Variants in GABRG3 observed in about 807,000 individuals in gnomAD.
GABRG3 encodes gamma-aminobutyric acid receptor subunit gamma-3.
In GABRG3, 25 loss-of-function variants were observed where a neutral mutation model predicts 48.8. The ratio of observed to expected loss-of-function variants is 0.51; its 90% CI spans 0.37 to 0.72. The LOEUF (loss-of-function observed/expected upper bound fraction) is 0.72. GABRG3 is among the 30% of genes least tolerant of loss of function. The probability of loss-of-function intolerance (pLI) is 0.00; values close to 1 mark genes in which losing one functional copy is unlikely to be tolerated. For synonymous variants in GABRG3, 227 were observed against 217.6 expected (o/e 1.04, Z -0.38); for missense variants, 394 against 577.9 (o/e 0.68, Z 3.26).
chr15:27,186,470 CAT>C lies in GABRG3; in HGVS notation c.271-140338_271-140337del, dbSNP rs1479934558. Among the ~76,000 whole-genome samples the C allele has an allele frequency of 3.3e-5, 5 of 152,132 alleles. No individual in the cohort carries two copies. The East Asian group carries it at 5.8e-4, about 18-fold the overall frequency. The stretch of plus-strand genomic sequence containing the variant: ...CTATCATGAATAGTGCTGTGATAAA[CAT>C]GTGGGTGCATCGTATGTCTTTTTGG... On this transcript the variant is annotated intron_variant, in intron 3 of 9. Transcript: ENST00000615808.
chr15:27,349,523 A>C (rs1894485698), intron 5 of GABRG3, among the ~76,000 whole-genome samples: 1 of 152,200 alleles, frequency 6.6e-6, no homozygotes, highest in African/African-American at 2.4e-5. Flanking sequence ...CAAAAGTCAC[A>C]AAGGTTGGTG....
chr15:27,201,378 GAA>G (rs1386354225), intron 3 of GABRG3, among the ~76,000 whole-genome samples: 2 of 151,352 alleles, frequency 1.3e-5, no homozygotes, highest in African/African-American at 4.9e-5. Flanking sequence ...GTGTGAGAGA[GAA>G]AGAGAGAGAG....
intron 5 of GABRG3, among the ~76,000 whole-genome samples, chr15:27,474,114 C>A (rs553667788): frequency 6.6e-6 from 1 of 152,224 alleles, no homozygotes; most frequent in East Asian, 1.9e-4. Flanking sequence ...TGAGGCTAGA[C>A]AGACAGACTG....
rs371221169 is a variant in GABRG3 at position 27,169,052 on chromosome 15, C to T, written c.270+142231C>T. 2.0e-5 allele frequency among the ~76,000 whole-genome samples: 3 copies of T among 152,236 alleles called. No homozygotes were observed. The East Asian group carries it at 5.8e-4, about 29-fold the overall frequency. On this transcript the variant is annotated intron_variant, in intron 3 of 9. Coordinates refer to ENST00000615808, the MANE Select transcript of GABRG3 (RefSeq NM_033223.5). ...TAGGCATGTGGGCCAAGTACTGTGC[C>T]AAGGACTGGGAGTGCAATGGTGAGC...
intron 3 of GABRG3, among the ~76,000 whole-genome samples, chr15:27,029,455 ACG>A (rs1896042619): frequency 1.4e-5 from 2 of 144,660 alleles, no homozygotes; most frequent in African/African-American, 5.1e-5. Context: ...ACACACACAC[ACG>A]CATGCACACA....
chr15:26,976,029 C>T lies in GABRG3; in HGVS notation c.54-973C>T, dbSNP rs138863771. Among the ~76,000 whole-genome samples the T allele has an allele frequency of 5.5e-3, 835 of 152,086 alleles. 10 individuals carry two copies. The highest frequency in any genetic ancestry group is 0.018 in the African/African-American group (731 of 41,482). ...AGCCCAAATAACTATGGTGTTGAGA[C>T]GGCCTCACTCATTGAGAAAACCAGC... On this transcript the variant is annotated intron_variant, in intron 1 of 9. Coordinates refer to ENST00000615808, the MANE Select transcript of GABRG3 (RefSeq NM_033223.5). This position sits in a 1 kb window ranked among gnomAD's most constrained non-coding sequence, Gnocchi z 7.8.
chr15:27,139,794 G>A (rs1157379345), intron 3 of GABRG3, among the ~76,000 whole-genome samples: 1 of 152,162 alleles, frequency 6.6e-6, no homozygotes, highest in Non-Finnish European at 1.5e-5. Flanking sequence ...GTAGGTTTAG[G>A]ATGGGGCCAG....
chr15:26,989,121 C>T (rs11635966), intron 2 of GABRG3, among the ~76,000 whole-genome samples: 43,319 of 152,020 alleles, frequency 0.28, 6,787 homozygotes, highest in Non-Finnish European at 0.36. Context: ...GTCTAATTTC[C>T]ATCACTATGA....
At chr15:27,207,627 A>G (rs143220812) in intron 3 of GABRG3, among the ~76,000 whole-genome samples, 42 of 152,354 alleles carry the variant, frequency 2.8e-4, no homozygotes, top group African/African-American at 9.9e-4. Flanking sequence ...ATCTCTGCAC[A>G]GCACGTGGAA....
intron 3 of GABRG3, among the ~76,000 whole-genome samples, chr15:27,155,752 C>T (rs1382661633): frequency 3.3e-5 from 5 of 152,068 alleles, no homozygotes; most frequent in African/African-American, 7.2e-5. Context: ...GCTGGCTGGA[C>T]GGGTACAAGT....
intron 3 of GABRG3, among the ~76,000 whole-genome samples, chr15:27,028,269 G>A (rs1332620033): frequency 1.3e-5 from 2 of 152,074 alleles, no homozygotes; most frequent in Non-Finnish European, 2.9e-5. Flanking sequence ...TGTGCTAGGT[G>A]GGATAAAGTT....
At chr15:27,336,255 A>AAAAG (rs150626796) in intron 5 of GABRG3, among the ~76,000 whole-genome samples, 4,512 of 149,876 alleles carry the variant, frequency 0.03, 239 homozygotes, top group African/African-American at 0.11. Flanking sequence ...GAAAGAAAGA[A>AAAAG]AAAGAAAGAA....
chr15:27,020,682 G>T (rs1895876635), intron 2 of GABRG3, among the ~76,000 whole-genome samples: 1 of 152,130 alleles, frequency 6.6e-6, no homozygotes, highest in Non-Finnish European at 1.5e-5. Flanking sequence ...CTCCCAAAGT[G>T]CTGGGATTAC....
chr15:26,985,324 C>T (rs944023975), intron 2 of GABRG3, among the ~76,000 whole-genome samples: 5 of 152,230 alleles, frequency 3.3e-5, no homozygotes, highest in South Asian at 2.1e-4. Flanking sequence ...TGCTGGGCAG[C>T]GCGAGAGGAA....
chr15:27,054,164 G>A (rs763677232), intron 3 of GABRG3, among the ~76,000 whole-genome samples: 3 of 152,008 alleles, frequency 2.0e-5, no homozygotes, highest in Non-Finnish European at 2.9e-5. Context: ...CCTTGAGCCC[G>A]GGAGGCGGAG....
intron 5 of GABRG3, among the ~76,000 whole-genome samples, chr15:27,372,999 C>T (rs1463444533): frequency 6.6e-6 from 1 of 152,224 alleles, no homozygotes; most frequent in African/African-American, 2.4e-5. Flanking sequence ...GTTTTCTTCA[C>T]CTACAAAATG....
chr15:27,001,466 A>C (rs1392991990), intron 2 of GABRG3, among the ~76,000 whole-genome samples: 3 of 152,178 alleles, frequency 2.0e-5, no homozygotes, highest in South Asian at 2.1e-4. Context: ...CACAATCATC[A>C]GTTGTTGGCC....
At chr15:27,039,254 G>A (rs1282099193) in intron 3 of GABRG3, among the ~76,000 whole-genome samples, 1 of 152,186 alleles carries the variant, frequency 6.6e-6, no homozygotes, top group Non-Finnish European at 1.5e-5. Flanking sequence ...TTGCTAATGG[G>A]CCTAGGAGAA....
intron 5 of GABRG3, among the ~76,000 whole-genome samples, chr15:27,434,229 T>G (rs891431887): frequency 4.6e-5 from 7 of 152,248 alleles, no homozygotes; most frequent in African/African-American, 1.4e-4. Flanking sequence ...AGCAGATTCA[T>G]TTAGTGTGTT....
Sources: gnomAD v4.1 joint callset for allele counts (sites outside exome capture counted in the v4.1 genomes callset) on GRCh38, gnomAD v4.1.1 for gene constraint, Gnocchi (gnomAD v3.1) non-coding constraint, MANE v1.5 for transcripts, NCBI Gene and HGNC (gene_info 2026-07-23, HGNC 2026-07-21) for gene names.